SLC22A25: variants seen among roughly 807,000 people sequenced by gnomAD.
SLC22A25 encodes the protein MGI:2442751, MGI:2385316, MGI:3042283, MGI:3645714, MGI:3605624, MGI:2442750.
SLC22A25 carries 44 observed loss-of-function variants against 45.9 expected under a neutral mutation model. The ratio of observed to expected loss-of-function variants is 0.96; its 90% CI spans 0.75 to 1.23. The LOEUF (loss-of-function observed/expected upper bound fraction) is 1.23. SLC22A25 is among the 50% of genes most tolerant of loss of function. The pLI is 0.00. For missense variants in SLC22A25, 800 were observed against 666.4 expected (o/e 1.20, Z -2.21); for synonymous variants, 283 against 238.6 (o/e 1.19, Z -1.72).
chr11:63,215,747 C>G (rs1474934986), intron 7 of SLC22A25, among the ~76,000 whole-genome samples: 2 of 152,024 alleles, frequency 1.3e-5, no homozygotes, highest in East Asian at 1.9e-4. Flanking sequence ...CCATAGTTAT[C>G]TTTTCTGCTT....
At chr11:63,168,386 G>C (rs1451527738) in intron 9 of SLC22A25, among the ~76,000 whole-genome samples, 1 of 152,156 alleles carries the variant, frequency 6.6e-6, no homozygotes, top group Non-Finnish European at 1.5e-5. Flanking sequence ...AAAGAAGCAT[G>C]TTCTAACCCA....
At chr11:63,166,517 A>G (rs1384589475) in intron 9 of SLC22A25, 2 of 1,193,120 alleles carry the variant, frequency 1.7e-6, no homozygotes, top group Non-Finnish European at 2.1e-6. Flanking sequence ...TTATTTTAAA[A>G]GCAATGGATT....
Position 63,217,680 on chromosome 11 carries a change from T to C in SLC22A25, c.562A>G (p.Thr188Ala). ...WSYLQLAIVG[T>A]CAAFAPTILV... Reference sequence around the variant, plus strand: ...ATGGTGGGAGCAAAGGCCGCACAGGTGCCTACAATGGCGAGCTGGAGGTAA... The same window carrying C: ...ATGGTGGGAGCAAAGGCCGCACAGGCGCCTACAATGGCGAGCTGGAGGTAA... Residue 188 changes from threonine (T) to alanine (A), a missense_variant, in exon 6 of 12, where the codon ACC becomes GCC. Transcript: ENST00000306494. 1 of 1,613,808 alleles carries C rather than the reference T, an allele frequency of 6.2e-7. No individual in the cohort carries two copies. Among genetic ancestry groups the C allele is most frequent in the Non-Finnish European group, 8.5e-7 (1 of 1,179,948 alleles).
intron 7 of SLC22A25, among the ~76,000 whole-genome samples, chr11:63,187,252 G>T (rs1041059434): frequency 1.3e-5 from 2 of 152,070 alleles, no homozygotes; most frequent in Admixed American, 6.6e-5. Context: ...CCTTGAAGAG[G>T]TCCTTCAGAT....
chr11:63,172,446 A>T (rs2087921666), intron 9 of SLC22A25, among the ~76,000 whole-genome samples: 1 of 152,166 alleles, frequency 6.6e-6, no homozygotes, highest in African/African-American at 2.4e-5. Flanking sequence ...CAAATTTACA[A>T]GAAAAAAATC....
At chr11:63,203,939 A>G (rs947746927) in intron 7 of SLC22A25, among the ~76,000 whole-genome samples, 2 of 152,234 alleles carry the variant, frequency 1.3e-5, no homozygotes, top group Non-Finnish European at 2.9e-5. Flanking sequence ...AGGGAAGCCC[A>G]TCAGACTAAC....
Position 63,164,063 on chromosome 11 carries a change from T to C in SLC22A25, c.1405A>G (p.Thr469Ala). The change falls in exon 12 of 12, where the codon ACT becomes GCT. Residue 469 changes from threonine to alanine, a missense_variant. Physicochemically the swap from Thr to Ala is moderately conservative, Grantham distance 58 (BLOSUM62 0). Coordinates refer to ENST00000306494, the MANE Select transcript of SLC22A25 (RefSeq NM_199352.6). Reference protein sequence around the residue: ...LIPSIIRGRATGITGNFANIG... With the variant: ...LIPSIIRGRAAGITGNFANIG... ...TTAGCAAAGTTTCCAGTGATTCCAG[T>C]AGCTCTTCCCCTTGGAGTAAAAACA... The C allele has an allele frequency of 6.3e-7, 1 of 1,597,152 alleles. No individual in the cohort carries two copies. The highest frequency in any genetic ancestry group is 8.5e-7 in the Non-Finnish European group (1 of 1,171,450).
chr11:63,211,123 C>A (rs1328394729), intron 7 of SLC22A25, among the ~76,000 whole-genome samples: 1 of 152,076 alleles, frequency 6.6e-6, no homozygotes, highest in Non-Finnish European at 1.5e-5. Context: ...TGAGGAAAAC[C>A]CCCCTGGACT....
Position 63,166,025 on chromosome 11 carries a change from A to G in SLC22A25, c.1285+19T>C. 4 of 1,610,642 alleles carry G rather than the reference A, an allele frequency of 2.5e-6. No homozygotes were observed. The highest frequency in any genetic ancestry group is 3.4e-6 in the Non-Finnish European group (4 of 1,177,264). The stretch of plus-strand genomic sequence containing the variant: ...GAGGGAAAGACATTTTCTTTCTTCC[A>G]CCTGTGAACTTTTCTCACCTTGAGG... On this transcript the variant is annotated intron_variant, in intron 10 of 11. Transcript: ENST00000306494.
intron 7 of SLC22A25, among the ~76,000 whole-genome samples, chr11:63,206,732 A>C (rs2089415099): frequency 6.6e-6 from 1 of 152,246 alleles, no homozygotes; most frequent in Non-Finnish European, 1.5e-5. Context: ...ATTCAATGCT[A>C]TCCCCAACAA....
At chr11:63,185,993 A>G (rs1000679682) in intron 7 of SLC22A25, among the ~76,000 whole-genome samples, 2 of 152,066 alleles carry the variant, frequency 1.3e-5, no homozygotes, top group Non-Finnish European at 2.9e-5. Flanking sequence ...GAATAATGCC[A>G]CAATAAACAT....
intron 5 of SLC22A25, among the ~76,000 whole-genome samples, chr11:63,219,079 T>A (rs894653175): frequency 6.6e-6 from 1 of 152,198 alleles, no homozygotes; most frequent in South Asian, 2.1e-4. Flanking sequence ...TACCTTCATA[T>A]ATAGTAGCTA....
At chr11:63,198,461 G>T (rs1038163468) in intron 7 of SLC22A25, among the ~76,000 whole-genome samples, 1 of 152,204 alleles carries the variant, frequency 6.6e-6, no homozygotes, top group Non-Finnish European at 1.5e-5. Flanking sequence ...TGAGCAAACT[G>T]TTACAAGGAC....
intron 1 of SLC22A25, among the ~76,000 whole-genome samples, chr11:63,240,555 ACT>A (rs1055932806): frequency 6.6e-6 from 1 of 152,038 alleles, no homozygotes; most frequent in Non-Finnish European, 1.5e-5. Flanking sequence ...AAAACTTTTG[ACT>A]CTTTTGTAAT....
intron 7 of SLC22A25, among the ~76,000 whole-genome samples, chr11:63,209,486 G>A (rs1184692932): frequency 2.0e-5 from 3 of 152,080 alleles, no homozygotes; most frequent in Admixed American, 2.0e-4. Flanking sequence ...AGGAAAGTGA[G>A]GCTCAGTCTC....
At chr11:63,192,771 C>A (rs1290577249) in intron 7 of SLC22A25, among the ~76,000 whole-genome samples, 1 of 152,150 alleles carries the variant, frequency 6.6e-6, no homozygotes, top group Non-Finnish European at 1.5e-5. Flanking sequence ...GGGTTCAATT[C>A]AACAAGAAGA....
chr11:63,212,259 C>T (rs1420156065), intron 7 of SLC22A25, among the ~76,000 whole-genome samples: 13 of 151,746 alleles, frequency 8.6e-5, no homozygotes, highest in Admixed American at 5.9e-4. Flanking sequence ...GACAGTGTGG[C>T]GATTCCTCAG....
intron 3 of SLC22A25, among the ~76,000 whole-genome samples, chr11:63,231,467 T>C (rs2090067600): frequency 6.6e-6 from 1 of 152,234 alleles, no homozygotes; most frequent in African/African-American, 2.4e-5. Flanking sequence ...AAGCATCTGT[T>C]CATATACTTT....
At chr11:63,234,315 G>A (rs887925445) in intron 3 of SLC22A25, among the ~76,000 whole-genome samples, 1 of 152,144 alleles carries the variant, frequency 6.6e-6, no homozygotes, top group African/African-American at 2.4e-5. Flanking sequence ...ATGAATCTGG[G>A]TGCTCCTGTA....
Sources: gnomAD v4.1 joint callset for allele counts (sites outside exome capture counted in the v4.1 genomes callset) on GRCh38, gnomAD v4.1.1 for gene constraint, MANE v1.5 for transcripts, NCBI Gene and HGNC (gene_info 2026-07-23, HGNC 2026-07-21) for gene names.